The following DLGAP2 variants were observed in gnomAD, a reference collection of about 807,000 sequenced individuals.
DLGAP2 encodes disks large-associated protein 2.
DLGAP2 carries 26 observed loss-of-function variants against 100.3 expected under a neutral mutation model. The observed-to-expected ratio is 0.26, with a 90% CI of 0.19 to 0.36. The LOEUF is 0.36. Ranked by LOEUF, DLGAP2 falls within the 10% of genes least tolerant of loss-of-function variation. The pLI is 1.00. For synonymous variants in DLGAP2, 886 were observed against 630.1 expected, an observed-to-expected ratio of 1.41 and a Z score of -6.08; for missense variants, 1,858 against 1,453.2, an observed-to-expected ratio of 1.28 and a Z score of -4.53.
At chr8:1,428,384 A>G (rs1797296879) in intron 3 of DLGAP2, among the ~76,000 whole-genome samples, 1 of 152,222 alleles carries the variant, frequency 6.6e-6, no homozygotes, top group Admixed American at 6.5e-5. Context: ...AAATAAATCC[A>G]TAATTTTAAA....
intron 2 of DLGAP2, among the ~76,000 whole-genome samples, chr8:1,123,397 G>C (rs1027307436): frequency 6.6e-6 from 1 of 152,114 alleles, no homozygotes; most frequent in South Asian, 2.1e-4. Flanking sequence ...GCCTCCACCC[G>C]GTCAGAATGA....
intron 3 of DLGAP2, among the ~76,000 whole-genome samples, chr8:1,338,503 G>C (rs1023672732): frequency 6.6e-6 from 1 of 152,196 alleles, no homozygotes; most frequent in East Asian, 1.9e-4. Flanking sequence ...AGTAACTGCT[G>C]ATTGATACAG....
chr8:1,603,088 C>T (rs1796679040), intron 6 of DLGAP2, among the ~76,000 whole-genome samples: 1 of 151,520 alleles, frequency 6.6e-6, no homozygotes, highest in Non-Finnish European at 1.5e-5. Flanking sequence ...GGTCTCAGTT[C>T]TGCAGAGGCT....
intron 3 of DLGAP2, among the ~76,000 whole-genome samples, chr8:1,337,330 A>G (rs964814322): frequency 3.6e-4 from 9 of 25,024 alleles, no homozygotes; most frequent in Non-Finnish European, 7.5e-4. Context: ...AATGATGGTG[A>G]TGATGGTAAT....
chr8:1,209,233 A>G (rs6558432), intron 2 of DLGAP2, among the ~76,000 whole-genome samples: 7,762 of 152,256 alleles, frequency 0.051, 661 homozygotes, highest in African/African-American at 0.18. Context: ...GAGGCATCAC[A>G]TTACCCAACT....
At chr8:902,434 TG>T (rs1211761512) in intron 1 of DLGAP2, among the ~76,000 whole-genome samples, 1 of 145,198 alleles carries the variant, frequency 6.9e-6, no homozygotes, top group African/African-American at 2.6e-5. Context: ...TGGTGGAGAG[TG>T]GGGGGTCCAG....
chr8:1,021,254 G>T (rs1384874470), intron 2 of DLGAP2, among the ~76,000 whole-genome samples: 1 of 152,184 alleles, frequency 6.6e-6, no homozygotes, highest in Non-Finnish European at 1.5e-5. Flanking sequence ...TAGATTTGCT[G>T]ATTTTTCCAG....
chr8:1,455,000 C>T (rs899446764), intron 3 of DLGAP2, among the ~76,000 whole-genome samples: 12 of 152,246 alleles, frequency 7.9e-5, no homozygotes, highest in South Asian at 2.1e-4. Flanking sequence ...CACAGCCACC[C>T]GTGAGCACTG....
intron 6 of DLGAP2, among the ~76,000 whole-genome samples, chr8:1,613,233 T>C (rs1225850119): frequency 6.9e-6 from 1 of 144,062 alleles, no homozygotes; most frequent in African/African-American, 2.6e-5. Context: ...TGAGTTCATG[T>C]CCTTTGTAGG....
chr8:1,000,334 G>A (rs997451761), intron 2 of DLGAP2, among the ~76,000 whole-genome samples: 1 of 151,810 alleles, frequency 6.6e-6, no homozygotes, highest in Admixed American at 6.6e-5. Context: ...GGACAGATCC[G>A]GGTGGAGGTG....
chr8:1,286,798 A>C (rs1799931152), intron 3 of DLGAP2, among the ~76,000 whole-genome samples: 5 of 152,232 alleles, frequency 3.3e-5, no homozygotes, highest in Non-Finnish European at 1.5e-5. Flanking sequence ...TCTGGATTCA[A>C]CTCAACTCCT....
chr8:902,353 G>A (rs560777525), intron 1 of DLGAP2, among the ~76,000 whole-genome samples: 1 of 151,226 alleles, frequency 6.6e-6, no homozygotes, highest in Non-Finnish European at 1.5e-5. Context: ...ATTGGCGGGC[G>A]CGGGGGCTGG....
intron 3 of DLGAP2, among the ~76,000 whole-genome samples, chr8:1,379,178 G>A (rs1477204008): frequency 6.6e-6 from 1 of 152,250 alleles, no homozygotes; most frequent in Non-Finnish European, 1.5e-5. Context: ...TCAGCCTCAC[G>A]GGGCCACCCG....
intron 1 of DLGAP2, chr8:893,030 T>C (rs1798068082): frequency 6.6e-6 from 1 of 152,162 alleles, no homozygotes; most frequent in Admixed American, 6.5e-5. Flanking sequence ...CAGAAGTACT[T>C]TGCACGTCCA....
chr8:1,378,995 C>A (rs144999440), intron 3 of DLGAP2, among the ~76,000 whole-genome samples: 3 of 152,252 alleles, frequency 2.0e-5, no homozygotes, highest in African/African-American at 7.2e-5. Context: ...CATGTGTCCC[C>A]TTGGGCTGAC....
At chr8:1,379,765 G>C (rs1796048359) in intron 3 of DLGAP2, 1 of 152,460 alleles carries the variant, frequency 6.6e-6, no homozygotes, top group African/African-American at 2.4e-5. Flanking sequence ...AGGTTGTGCA[G>C]GGGCTGACAG....
chr8:1,340,344 A>G (rs1214858118), intron 3 of DLGAP2, among the ~76,000 whole-genome samples: 1 of 152,250 alleles, frequency 6.6e-6, no homozygotes, highest in African/African-American at 2.4e-5. Context: ...GCATCCCACA[A>G]AGGTCTAATA....
At chr8:1,306,790 A>G (rs1017513786) in intron 3 of DLGAP2, among the ~76,000 whole-genome samples, 4 of 152,236 alleles carry the variant, frequency 2.6e-5, no homozygotes, top group African/African-American at 4.8e-5. Context: ...AGACCATTCA[A>G]TGGAGAAGGA....
At chr8:1,434,364 C>G (rs1018961437) in intron 3 of DLGAP2, among the ~76,000 whole-genome samples, 1 of 152,204 alleles carries the variant, frequency 6.6e-6, no homozygotes, top group African/African-American at 2.4e-5. Context: ...CACGTGCAGA[C>G]AGCAAGCACT....
Sources: gnomAD v4.1 joint callset for allele counts (sites outside exome capture counted in the v4.1 genomes callset) on GRCh38, gnomAD v4.1.1 for gene constraint, MANE v1.5 for transcripts, NCBI Gene and HGNC (gene_info 2026-07-23, HGNC 2026-07-21) for gene names.